The following ALK variants were observed in gnomAD, a reference collection of about 807,000 sequenced individuals.
ALK encodes ALK tyrosine kinase receptor.
In ALK, 74 loss-of-function variants were observed where a neutral mutation model predicts 163.1. That is an observed-to-expected ratio of 0.45 (90% confidence interval 0.38 to 0.55). ALK has a LOEUF of 0.55. Ranked by LOEUF, ALK falls within the 20% of genes least tolerant of loss-of-function variation. The pLI is 0.00. For missense variants in ALK, 2,063 were observed against 2,105.3 expected (o/e 0.98, Z 0.39); for synonymous variants, 960 against 843.2 (o/e 1.14, Z -2.40).
At chr2:29,462,786 G>A (rs1291262216) in intron 4 of ALK, among the ~76,000 whole-genome samples, 1 of 152,056 alleles carries the variant, frequency 6.6e-6, no homozygotes, top group Non-Finnish European at 1.5e-5. Flanking sequence ...GCTCCTTTTT[G>A]CTACAATGTG....
At chr2:29,241,249 T>C (rs1664515560) in intron 12 of ALK, among the ~76,000 whole-genome samples, 2 of 152,090 alleles carry the variant, frequency 1.3e-5, no homozygotes, top group Non-Finnish European at 2.9e-5. Context: ...AGTCTCACCA[T>C]AGGGTGGCTA....
intron 3 of ALK, among the ~76,000 whole-genome samples, chr2:29,549,532 C>G (rs953138639): frequency 2.0e-5 from 3 of 152,052 alleles, no homozygotes; most frequent in African/African-American, 7.2e-5. Context: ...ATGTGGCTGA[C>G]GTGACTGAAG....
At position 29,897,557 on chromosome 2, in the gene ALK, A is replaced by T. The variant is rs1410787618; in HGVS notation, c.667+22436T>A. Among the ~76,000 whole-genome samples, 6 of 152,150 alleles carry T rather than the reference A, an allele frequency of 3.9e-5. No individual in the cohort carries two copies. The East Asian group carries it at 9.6e-4, about 24-fold the overall frequency. On this transcript the variant is annotated intron_variant, in intron 1 of 28. Coordinates refer to ENST00000389048, the MANE Select transcript of ALK (RefSeq NM_004304.5). ...GGATTCTCTTGGGAGGCTTTTCAGCAGGATTTCCCTGATGGCTCCTCCCTC... is the reference window on the plus strand; with the variant it reads ...GGATTCTCTTGGGAGGCTTTTCAGCTGGATTTCCCTGATGGCTCCTCCCTC...
chr2:29,243,800 G>T (rs923266100), intron 12 of ALK, among the ~76,000 whole-genome samples: 1 of 151,968 alleles, frequency 6.6e-6, no homozygotes, highest in Non-Finnish European at 1.5e-5. Context: ...GAAACAACAA[G>T]AAATTAATAT....
chr2:29,295,674 G>A lies in ALK; in HGVS notation c.1817+1214C>T, dbSNP rs200821796. 1.2e-3 allele frequency among the ~76,000 whole-genome samples: 179 copies of A among 152,264 alleles called. 1 individual carries two copies. The highest frequency in any genetic ancestry group is 3.9e-3 in the African/African-American group (163 of 41,544). ...ACATAGCAGACTGTGGGGTTTGGGC[G>A]AAAAATGTGAAACCAGCTTTACACT... On this transcript the variant is annotated intron_variant, in intron 9 of 28. Transcript: ENST00000389048.
chr2:29,557,735 T>G (rs1673902550), intron 3 of ALK, among the ~76,000 whole-genome samples: 1 of 152,226 alleles, frequency 6.6e-6, no homozygotes, highest in South Asian at 2.1e-4. Flanking sequence ...TAATATAGTG[T>G]GAAAACAAGC....
rs79633152 is a variant in ALK at position 29,586,188 on chromosome 2, C to T, written c.953-54072G>A. Among the ~76,000 whole-genome samples, 160 of 150,992 alleles carry T rather than the reference C, an allele frequency of 1.1e-3. 1 individual carries two copies. Among genetic ancestry groups the T allele is most frequent in the Non-Finnish European group, 1.9e-3 (131 of 67,718 alleles). ...TTATTAATCTTTTTTAAGTATTCTT[C>T]TTTGAATTGTTGCTTCATATCAGTT... is the stretch of plus-strand genomic sequence containing the variant. On this transcript the variant is annotated intron_variant, in intron 3 of 28. Coordinates refer to ENST00000389048, the MANE Select transcript of ALK (RefSeq NM_004304.5).
At chr2:29,543,786 G>GAAAT (rs1673477903) in intron 3 of ALK, among the ~76,000 whole-genome samples, 1 of 152,098 alleles carries the variant, frequency 6.6e-6, no homozygotes. Flanking sequence ...TCTCCTCTAT[G>GAAAT]TGCTCTAGAA....
chr2:29,416,399 T>C (rs189506642), intron 4 of ALK, among the ~76,000 whole-genome samples: 143 of 152,350 alleles, frequency 9.4e-4, no homozygotes, highest in African/African-American at 3.3e-3. Flanking sequence ...GCCTCACTCA[T>C]GATTTCAGAT....
chr2:29,865,672 A>G (rs1357856896), intron 1 of ALK, among the ~76,000 whole-genome samples: 1 of 152,154 alleles, frequency 6.6e-6, no homozygotes, highest in Non-Finnish European at 1.5e-5. Context: ...GCGGTTGGGG[A>G]TTGTGTTGGA....
At chr2:29,398,388 A>G (rs1669362931) in intron 4 of ALK, among the ~76,000 whole-genome samples, 2 of 152,146 alleles carry the variant, frequency 1.3e-5, no homozygotes, top group Admixed American at 1.3e-4. Flanking sequence ...CATCTCCAAA[A>G]CAGGAATAGC....
rs145129256 is a variant in ALK at position 29,832,003 on chromosome 2, G to T, written c.667+87990C>A. On this transcript the variant is annotated intron_variant, in intron 1 of 28. Coordinates refer to ENST00000389048, the MANE Select transcript of ALK (RefSeq NM_004304.5). ...TCAAAGATCTCAGTATACTGAATAC[G>T]ATTTATGAAGAACCTCTAGCAACAG... is the stretch of plus-strand genomic sequence containing the variant. Among the ~76,000 whole-genome samples, 37 of 152,300 alleles carry T rather than the reference G, an allele frequency of 2.4e-4. No individual in the cohort carries two copies. In the East Asian group the frequency reaches 6.9e-3, roughly 29 times the overall value.
chr2:29,209,312 G>A (rs1175068159), intron 25 of ALK, among the ~76,000 whole-genome samples: 2 of 152,174 alleles, frequency 1.3e-5, no homozygotes, highest in South Asian at 2.1e-4. Context: ...AAGCTGAGGC[G>A]GGCAGATCAC....
chr2:29,848,702 C>A (rs915783101), intron 1 of ALK, among the ~76,000 whole-genome samples: 2 of 152,102 alleles, frequency 1.3e-5, no homozygotes, highest in African/African-American at 4.8e-5. Context: ...GAATGGGTGC[C>A]AGGAGGGTGA....
At chr2:29,793,070 T>A (rs1392294309) in intron 1 of ALK, among the ~76,000 whole-genome samples, 1 of 152,192 alleles carries the variant, frequency 6.6e-6, no homozygotes, top group African/African-American at 2.4e-5. Flanking sequence ...GTCAATCGTC[T>A]CAAACCCTGC....
intron 3 of ALK, among the ~76,000 whole-genome samples, chr2:29,623,810 T>C (rs1219485621): frequency 2.0e-5 from 3 of 152,380 alleles, no homozygotes; most frequent in Admixed American, 6.5e-5. Flanking sequence ...GGGCTTATAC[T>C]ACCTTTATAA....
At chr2:29,349,030 T>C (rs1214254028) in intron 5 of ALK, among the ~76,000 whole-genome samples, 1 of 147,840 alleles carries the variant, frequency 6.8e-6, no homozygotes, top group Non-Finnish European at 1.5e-5. Context: ...CTTCTTCATG[T>C]GGCCTTTGTG....
intron 1 of ALK, among the ~76,000 whole-genome samples, chr2:29,751,858 AT>A (rs1221073785): frequency 6.6e-6 from 1 of 152,256 alleles, no homozygotes; most frequent in African/African-American, 2.4e-5. Flanking sequence ...ATTAGTGGTG[AT>A]GAAAATATAC....
chr2:29,285,569 C>G (rs1317984858), intron 9 of ALK, among the ~76,000 whole-genome samples: 1 of 142,160 alleles, frequency 7.0e-6, no homozygotes, highest in South Asian at 2.2e-4. Context: ...CTCAGTGGCT[C>G]TTTTTTTTTT....
Sources: allele counts gnomAD v4.1 joint callset (sites outside exome capture counted in the v4.1 genomes callset), GRCh38; gene constraint gnomAD v4.1.1; transcripts MANE v1.5; gene names NCBI Gene and HGNC (gene_info 2026-07-23, HGNC 2026-07-21).